Variants in MIPOL1 observed in about 807,000 individuals in gnomAD.
MIPOL1 encodes mirror-image polydactyly 1, also known as mirror-image polydactyly gene 1 protein.
A neutral mutation model predicts 60.9 loss-of-function variants in MIPOL1; 57 were observed. That is an observed-to-expected ratio of 0.94 (90% CI 0.76 to 1.17). The LOEUF (loss-of-function observed/expected upper bound fraction) is 1.17. MIPOL1 is among the 50% of genes most tolerant of loss of function. The probability of loss-of-function intolerance (pLI) is 0.00; values close to 1 mark genes in which losing one functional copy is unlikely to be tolerated. For synonymous variants in MIPOL1, 179 were observed against 168.8 expected (o/e 1.06, Z -0.47); for missense variants, 551 against 511.6 (o/e 1.08, Z -0.74).
chr14:37,369,238 T>A (rs1030696868), intron 9 of MIPOL1, among the ~76,000 whole-genome samples: 3 of 152,094 alleles, frequency 2.0e-5, no homozygotes, highest in African/African-American at 7.2e-5. Context: ...AGTAAATAAT[T>A]TTAAATATGG....
intron 11 of MIPOL1, among the ~76,000 whole-genome samples, chr14:37,497,783 G>A (rs1044367117): frequency 6.6e-6 from 1 of 152,210 alleles, no homozygotes; most frequent in Non-Finnish European, 1.5e-5. Context: ...GCCATTCTGA[G>A]GGAGGATATA....
At chr14:37,237,109 C>T (rs1233026910) in intron 1 of MIPOL1, among the ~76,000 whole-genome samples, 2 of 152,042 alleles carry the variant, frequency 1.3e-5, no homozygotes, top group East Asian at 1.9e-4. Flanking sequence ...ATGTCTTCCC[C>T]AGTCATTTCT....
At chr14:37,502,481 GT>G (rs2095229891) in intron 12 of MIPOL1, 3 of 152,644 alleles carry the variant, frequency 2.0e-5, no homozygotes, top group Admixed American at 2.0e-4. Flanking sequence ...GGCAAACAGG[GT>G]TTGGGTGGAC....
At chr14:37,325,885 A>C (rs2089108568) in intron 9 of MIPOL1, among the ~76,000 whole-genome samples, 1 of 152,142 alleles carries the variant, frequency 6.6e-6, no homozygotes, top group Non-Finnish European at 1.5e-5. Flanking sequence ...CAAAGGCATG[A>C]GGAATTCCAG....
chr14:37,471,277 A>C (rs566836843), intron 11 of MIPOL1, among the ~76,000 whole-genome samples: 4 of 152,340 alleles, frequency 2.6e-5, no homozygotes, highest in African/African-American at 9.6e-5. Flanking sequence ...AATAAACAGG[A>C]ATATTTTCAT....
intron 9 of MIPOL1, among the ~76,000 whole-genome samples, chr14:37,367,527 T>G (rs1013491871): frequency 6.6e-6 from 1 of 152,036 alleles, no homozygotes; most frequent in Non-Finnish European, 1.5e-5. Context: ...TTGACCATGC[T>G]TCCTCTTTTT....
chr14:37,225,053 A>T (rs2153278148), intron 1 of MIPOL1, among the ~76,000 whole-genome samples: 1 of 152,294 alleles, frequency 6.6e-6, no homozygotes, highest in East Asian at 1.9e-4. Flanking sequence ...CATGTCTCAC[A>T]TCCAGGTCAC....
At chr14:37,527,469 A>C (rs564109817) in intron 12 of MIPOL1, among the ~76,000 whole-genome samples, 1 of 152,248 alleles carries the variant, frequency 6.6e-6, no homozygotes, top group East Asian at 1.9e-4. Context: ...TTTATAACTT[A>C]ATACTAATTC....
chr14:37,490,669 C>T (rs1282113836), intron 11 of MIPOL1, among the ~76,000 whole-genome samples: 4 of 152,132 alleles, frequency 2.6e-5, no homozygotes, highest in African/African-American at 9.7e-5. Flanking sequence ...GTTATTCAGG[C>T]TCAGTCCCTC....
In MIPOL1 at chr14:37,238,043, T is replaced by G. The variant is rs144641601; in HGVS notation, c.-198-9060T>G. ...GTACAATAGCGCGATCATAGCTCAT[T>G]GTAACCTTGAACTCTTGGACTCAAG... On this transcript the variant is annotated intron_variant, in intron 1 of 12. Coordinates refer to ENST00000684589, the MANE Select transcript of MIPOL1 (RefSeq NM_001388067.1). Among the ~76,000 whole-genome samples the G allele has an allele frequency of 3.4e-3, 525 of 152,304 alleles. 3 individuals carry two copies. Among genetic ancestry groups the G allele is most frequent in the Non-Finnish European group, 5.7e-3 (390 of 68,018 alleles).
At chr14:37,509,798 T>G (rs1473970300) in intron 12 of MIPOL1, among the ~76,000 whole-genome samples, 1 of 148,112 alleles carries the variant, frequency 6.8e-6, no homozygotes, top group African/African-American at 2.6e-5. Context: ...TGTATATCTA[T>G]CTACTTATGT....
chr14:37,438,027 A>AT (rs796108270), intron 11 of MIPOL1, among the ~76,000 whole-genome samples: 216 of 151,996 alleles, frequency 1.4e-3, no homozygotes, highest in African/African-American at 5.0e-3. Flanking sequence ...AAGATGGTTG[A>AT]TTTTTTTCTT....
chr14:37,524,909 C>T (rs965772804), intron 12 of MIPOL1, among the ~76,000 whole-genome samples: 11 of 152,040 alleles, frequency 7.2e-5, no homozygotes, highest in African/African-American at 2.7e-4. Context: ...TAATCATTAA[C>T]ATGAAAGACT....
At chr14:37,394,082 A>ATATATATATC (rs1461974156) in intron 10 of MIPOL1, among the ~76,000 whole-genome samples, 7 of 136,330 alleles carry the variant, frequency 5.1e-5, no homozygotes, top group Non-Finnish European at 9.4e-5. Context: ...ATATATATAT[A>ATATATATATC]TATCTCCATG....
chr14:37,546,317 T>G (rs2095547366), intron 12 of MIPOL1, among the ~76,000 whole-genome samples: 1 of 152,188 alleles, frequency 6.6e-6, no homozygotes, highest in Non-Finnish European at 1.5e-5. Flanking sequence ...AAAGTCTGGT[T>G]TTATTAGTAT....
At chr14:37,535,558 C>A (rs367716739) in intron 12 of MIPOL1, among the ~76,000 whole-genome samples, 1 of 152,198 alleles carries the variant, frequency 6.6e-6, no homozygotes, top group East Asian at 1.9e-4. Flanking sequence ...GTATTTAAAA[C>A]CTTTCAGCCA....
intron 3 of MIPOL1, among the ~76,000 whole-genome samples, chr14:37,263,668 A>G (rs2082667556): frequency 6.6e-6 from 1 of 152,220 alleles, no homozygotes; most frequent in Non-Finnish European, 1.5e-5. Context: ...TTGAATGATG[A>G]AGAAGAGATT....
intron 11 of MIPOL1, among the ~76,000 whole-genome samples, chr14:37,474,628 C>A (rs2094741000): frequency 6.6e-6 from 1 of 152,118 alleles, no homozygotes; most frequent in Non-Finnish European, 1.5e-5. Context: ...ATTACCCAGT[C>A]TCAGGTATAT....
At chr14:37,328,861 G>T (rs1432344763) in intron 9 of MIPOL1, among the ~76,000 whole-genome samples, 1 of 152,190 alleles carries the variant, frequency 6.6e-6, no homozygotes, top group African/African-American at 2.4e-5. Context: ...CTCAGTTACA[G>T]AGGGTTCAGA....
Sources: allele counts gnomAD v4.1 joint callset (sites outside exome capture counted in the v4.1 genomes callset), GRCh38; gene constraint gnomAD v4.1.1; transcripts MANE v1.5; gene names NCBI Gene and HGNC (gene_info 2026-07-23, HGNC 2026-07-21).